PIP5K1B: variants seen among roughly 807,000 people sequenced by gnomAD.
PIP5K1B encodes the protein phosphatidylinositol-4-phosphate 5-kinase type 1 beta.
PIP5K1B carries 42 observed loss-of-function variants against 67.0 expected under a neutral mutation model. The observed-to-expected ratio is 0.63, with a 90% CI of 0.49 to 0.81. The LOEUF is 0.81. Among genes scored for constraint, PIP5K1B ranks in the 30% least tolerant of loss-of-function variants. The probability of loss-of-function intolerance (pLI) is 0.00; values close to 1 mark genes in which losing one functional copy is unlikely to be tolerated. For synonymous variants in PIP5K1B, 214 were observed against 231.4 expected (o/e 0.92, Z 0.68); for missense variants, 459 against 646.3 (o/e 0.71, Z 3.14).
chr9:68,811,892 C>T (rs142522344), intron 2 of PIP5K1B, among the ~76,000 whole-genome samples: 3,224 of 152,250 alleles, frequency 0.021, 56 homozygotes, highest in Middle Eastern at 0.058. Context: ...GCCTGTGAAG[C>T]GTGCTGAAAA....
chr9:68,886,735 C>T (rs1824496198), intron 6 of PIP5K1B, among the ~76,000 whole-genome samples: 1 of 152,210 alleles, frequency 6.6e-6, no homozygotes, highest in Non-Finnish European at 1.5e-5. Flanking sequence ...ATGAATTATG[C>T]TCCCTACATC....
rs143834452 is a variant in PIP5K1B at position 68,821,994 on chromosome 9, A to T, written c.1-621A>T. Among the ~76,000 whole-genome samples the T allele has an allele frequency of 1.5e-4, 23 of 152,388 alleles. No homozygotes were observed. The East Asian group carries it at 4.4e-3, about 29-fold the overall frequency. On this transcript the variant is annotated intron_variant, in intron 3 of 15. Transcript: ENST00000265382. ...GTAAGATAGTATTGTAAGTTTTTTC[A>T]TATGAAAATACACATAATAAAAGGT...
intron 2 of PIP5K1B, among the ~76,000 whole-genome samples, chr9:68,817,101 G>A (rs550548316): frequency 3.3e-5 from 5 of 152,200 alleles, no homozygotes; most frequent in African/African-American, 1.2e-4. Context: ...ATAGTCAAAG[G>A]GCATGAACTG....
intron 2 of PIP5K1B, chr9:68,780,085 A>G (rs1261355045): frequency 8.4e-6 from 12 of 1,424,230 alleles, no homozygotes; most frequent in Non-Finnish European, 1.0e-5. Flanking sequence ...TGGCGGCGGC[A>G]GCGGCGGCGG....
chr9:68,771,488 C>T (rs1480525527), intron 2 of PIP5K1B, among the ~76,000 whole-genome samples: 1 of 152,180 alleles, frequency 6.6e-6, no homozygotes, highest in Non-Finnish European at 1.5e-5. Flanking sequence ...TGAATAAGAG[C>T]TCAGCTTCTG....
chr9:68,848,432 C>T (rs1822308643), intron 4 of PIP5K1B, among the ~76,000 whole-genome samples: 1 of 152,212 alleles, frequency 6.6e-6, no homozygotes, highest in South Asian at 2.1e-4. Context: ...TCTCAACCCC[C>T]ACTTCACCCA....
chr9:68,749,181 A>G (rs912462384), intron 2 of PIP5K1B, among the ~76,000 whole-genome samples: 3 of 152,216 alleles, frequency 2.0e-5, no homozygotes, highest in African/African-American at 7.2e-5. Context: ...GGTTGAATTA[A>G]GAATTTTGAG....
chr9:68,780,467 G>T (rs749912658), intron 2 of PIP5K1B: 44 of 1,614,090 alleles, frequency 2.7e-5, no homozygotes, highest in Non-Finnish European at 3.5e-5. Context: ...ACCGAGAGAC[G>T]GTCCACGAAC....
chr9:68,800,838 AC>A (rs1564145741), intron 2 of PIP5K1B, among the ~76,000 whole-genome samples: 2 of 152,288 alleles, frequency 1.3e-5, no homozygotes, highest in East Asian at 1.9e-4. Context: ...ATATTTGGGT[AC>A]CCTTGCTCCA....
At chr9:68,973,160 G>T (rs1256358338) in intron 14 of PIP5K1B, among the ~76,000 whole-genome samples, 1 of 152,184 alleles carries the variant, frequency 6.6e-6, no homozygotes, top group Non-Finnish European at 1.5e-5. Context: ...TCCAGTGCCT[G>T]CTCCCGCAAC....
intron 11 of PIP5K1B, among the ~76,000 whole-genome samples, chr9:68,920,784 T>A (rs1396084635): frequency 7.0e-6 from 1 of 142,136 alleles, no homozygotes; most frequent in Non-Finnish European, 1.5e-5. Context: ...TCTCTCTCTC[T>A]CACACACATA....
At chr9:68,810,038 G>A (rs1833079069) in intron 2 of PIP5K1B, among the ~76,000 whole-genome samples, 2 of 152,176 alleles carry the variant, frequency 1.3e-5, no homozygotes, top group South Asian at 4.1e-4. Flanking sequence ...ATTCAAAAGA[G>A]CATAAATAAA....
chr9:68,916,400 C>G (rs545288754), intron 8 of PIP5K1B, among the ~76,000 whole-genome samples: 1 of 152,304 alleles, frequency 6.6e-6, no homozygotes, highest in Admixed American at 6.5e-5. Context: ...AGACCTTTGT[C>G]TCCTGTCATT....
chr9:68,736,578 C>T (rs920529489), intron 1 of PIP5K1B, among the ~76,000 whole-genome samples: 1 of 152,166 alleles, frequency 6.6e-6, no homozygotes, highest in African/African-American at 2.4e-5. Context: ...AGCTGCACTC[C>T]TTCTGGAGGC....
chr9:68,751,885 T>C (rs1829652234), intron 2 of PIP5K1B, among the ~76,000 whole-genome samples: 1 of 152,222 alleles, frequency 6.6e-6, no homozygotes, highest in Admixed American at 6.5e-5. Context: ...GTTATATGAA[T>C]TCAGATAATA....
At chr9:68,773,406 A>G (rs1479917252) in intron 2 of PIP5K1B, among the ~76,000 whole-genome samples, 1 of 152,242 alleles carries the variant, frequency 6.6e-6, no homozygotes, top group East Asian at 1.9e-4. Flanking sequence ...CCACTGAGGA[A>G]CAAGGAGAGA....
intron 3 of PIP5K1B, among the ~76,000 whole-genome samples, chr9:68,820,463 G>T (rs1014357536): frequency 1.3e-5 from 2 of 152,160 alleles, no homozygotes; most frequent in African/African-American, 4.8e-5. Flanking sequence ...GGCAGTACTA[G>T]ATCTAGTGAG....
chr9:68,769,690 C>G (rs1418279735), intron 2 of PIP5K1B, among the ~76,000 whole-genome samples: 1 of 152,100 alleles, frequency 6.6e-6, no homozygotes, highest in Non-Finnish European at 1.5e-5. Flanking sequence ...TCCCATTTGT[C>G]TTTCCTTTTT....
intron 15 of PIP5K1B, among the ~76,000 whole-genome samples, chr9:68,996,292 T>C (rs1237030584): frequency 6.6e-6 from 1 of 152,224 alleles, no homozygotes; most frequent in African/African-American, 2.4e-5. Flanking sequence ...CAGCTAATTG[T>C]TCCATCATCC....
Sources: allele counts gnomAD v4.1 joint callset (sites outside exome capture counted in the v4.1 genomes callset), GRCh38; gene constraint gnomAD v4.1.1; transcripts MANE v1.5; gene names NCBI Gene and HGNC (gene_info 2026-07-23, HGNC 2026-07-21).